PAX3: variants seen among roughly 807,000 people sequenced by gnomAD.
The protein encoded by PAX3 is paired box protein Pax-3.
In PAX3, 14 loss-of-function variants were observed where a neutral mutation model predicts 51.6. The ratio of observed to expected loss-of-function variants is 0.27; its 90% confidence interval spans 0.18 to 0.42. PAX3 has a LOEUF of 0.42. Among genes scored for constraint, PAX3 ranks in the 10% least tolerant of loss-of-function variants. The pLI is 1.00. For synonymous variants in PAX3, 280 were observed against 253.4 expected (o/e 1.11, Z -1.00); for missense variants, 540 against 642.8 (o/e 0.84, Z 1.73).
intron 4 of PAX3, among the ~76,000 whole-genome samples, chr2:222,291,549 G>T (rs1695038743): frequency 6.6e-6 from 1 of 152,130 alleles, no homozygotes; most frequent in Non-Finnish European, 1.5e-5. Flanking sequence ...ATTCAAAGTG[G>T]CTCAACCCTT....
At chr2:222,275,421 C>T (rs760860347) in intron 4 of PAX3, among the ~76,000 whole-genome samples, 2 of 148,914 alleles carry the variant, frequency 1.3e-5, no homozygotes, top group African/African-American at 2.5e-5. Context: ...ATTTTATATG[C>T]TCTAAAATTG....
chr2:222,253,860 G>T (rs1693533929), intron 4 of PAX3, among the ~76,000 whole-genome samples: 1 of 151,892 alleles, frequency 6.6e-6, no homozygotes, highest in African/African-American at 2.4e-5. Context: ...TCACTATGTT[G>T]CCCAGCCTGT....
At position 222,200,788 on chromosome 2, in the gene PAX3, A is replaced by G. The variant is rs1691257699; in HGVS notation, c.*620T>C. On this transcript the variant is annotated 3_prime_UTR_variant, in exon 9 of 9. Transcript: ENST00000392070. ...TGACAACTAGATTACAAATGAGGAT[A>G]CAGTAACAAATAATTTATTTAGGAG... 3.2e-6 allele frequency: 1 copy of G among 312,418 alleles called. No individual in the cohort carries two copies. Among genetic ancestry groups the G allele is most frequent in the Admixed American group, 4.6e-5 (1 of 21,704 alleles). 19.4% of individuals were successfully genotyped at this position (312,418 alleles called of 1,614,324 possible).
intron 4 of PAX3, among the ~76,000 whole-genome samples, chr2:222,276,551 C>T (rs1287479518): frequency 2.0e-5 from 3 of 152,144 alleles, no homozygotes; most frequent in Non-Finnish European, 4.4e-5. Context: ...TGGATGGGGC[C>T]ACAGCTGCCA....
intron 4 of PAX3, among the ~76,000 whole-genome samples, chr2:222,241,418 CAG>C (rs901450793): frequency 3.9e-5 from 6 of 152,134 alleles, no homozygotes; most frequent in Admixed American, 3.9e-4. Flanking sequence ...ATTTGCCAAT[CAG>C]AGTAGGTTCA....
At chr2:222,232,308 T>A (rs1231225214) in intron 4 of PAX3, 25 bp from the exon 5 acceptor site, 4 of 1,596,610 alleles carry the variant, frequency 2.5e-6, no homozygotes, top group Non-Finnish European at 3.4e-6. Context: ...GAACAAAACA[T>A]CATAAAATGT....
At chr2:222,224,899 A>G (rs1450208266) in intron 5 of PAX3, among the ~76,000 whole-genome samples, 2 of 152,244 alleles carry the variant, frequency 1.3e-5, no homozygotes, top group South Asian at 2.1e-4. Flanking sequence ...CTGGCCTATG[A>G]CTGATGTTCT....
chr2:222,294,243 G>T lies in PAX3; in HGVS notation c.510C>A (p.Ala170=), dbSNP rs1322254660. The change falls in exon 4 of 9, where the codon GCC becomes GCA. Residue 170 remains alanine (A), a synonymous_variant. Transcript: ENST00000392070. ...SKFGKGEEEE[A]DLERKEAEES... is the part of the protein sequence containing the mutation. ...CCTCTGCCTCCTTCCTCTCCAAGTC[G>T]GCCTCCTCCTCTTCACCTTTCCCGA... The T allele has an allele frequency of 6.2e-7, 1 of 1,614,058 alleles. No homozygotes were observed. The highest frequency in any genetic ancestry group is 8.5e-7 in the Non-Finnish European group (1 of 1,180,042).
chr2:222,291,858 T>G (rs1205007932), intron 4 of PAX3, among the ~76,000 whole-genome samples: 1 of 152,172 alleles, frequency 6.6e-6, no homozygotes, highest in African/African-American at 2.4e-5. Context: ...GTCCTTTCTC[T>G]GGGCCCCTCT....
intron 4 of PAX3, chr2:222,293,879 GC>G: frequency 6.2e-7 from 1 of 1,606,490 alleles, no homozygotes; most frequent in Non-Finnish European, 8.5e-7. Flanking sequence ...AGCTTCCCCT[GC>G]CCCCTACAAC....
chr2:222,260,603 T>TG (rs1559292917), intron 4 of PAX3, among the ~76,000 whole-genome samples: 41 of 73,468 alleles, frequency 5.6e-4, no homozygotes, highest in African/African-American at 1.7e-3. Context: ...TTTTTTTTTT[T>TG]TTTTTTGAGG....
chr2:222,241,819 TCA>T (rs1193984883), intron 4 of PAX3, among the ~76,000 whole-genome samples: 2 of 152,220 alleles, frequency 1.3e-5, no homozygotes, highest in Non-Finnish European at 1.5e-5. Context: ...TTTTAATCTC[TCA>T]CAATTAAATA....
intron 3 of PAX3, 127 bp from the exon 4 acceptor site, chr2:222,294,428 G>C (rs865905014): frequency 2.5e-5 from 25 of 985,192 alleles, no homozygotes; most frequent in Middle Eastern, 2.8e-4. Flanking sequence ...CACTGCTCGC[G>C]GGTGTCTCCT....
At chr2:222,234,345 A>G (rs571185080) in intron 4 of PAX3, among the ~76,000 whole-genome samples, 2 of 152,334 alleles carry the variant, frequency 1.3e-5, no homozygotes, top group African/African-American at 4.8e-5. Context: ...ACTTAAAGAA[A>G]GAAAACTAGA....
intron 4 of PAX3, among the ~76,000 whole-genome samples, chr2:222,260,565 GTTTTTTTTTTTT>G (rs1693811727): frequency 0.014 from 760 of 55,852 alleles, 21 homozygotes; most frequent in African/African-American, 0.044. Context: ...TTTTTTTTTT[GTTTTTTTTTTTT>G]GTTTTTTTTT....
chr2:222,266,405 A>G (rs1198192315), intron 4 of PAX3, among the ~76,000 whole-genome samples: 1 of 152,232 alleles, frequency 6.6e-6, no homozygotes, highest in African/African-American at 2.4e-5. Flanking sequence ...TTTATAAGGC[A>G]AATACTATTA....
Position 222,201,300 on chromosome 2 carries a change from C to CA in PAX3, c.*107_*108insT, listed in dbSNP as rs1331390414. Reference sequence around the variant, plus strand: ...TCTCCTATTGGGACCACTGCCCCACCCCCCCCAACAAAAGGGTAATTTTTT... The same window carrying CA: ...TCTCCTATTGGGACCACTGCCCCACCACCCCCCAACAAAAGGGTAATTTTTT... On this transcript the variant is annotated 3_prime_UTR_variant, in exon 9 of 9. Transcript: ENST00000392070. 5.0e-6 allele frequency: 8 copies of CA among 1,610,490 alleles called. No homozygotes were observed. In the South Asian group the frequency reaches 8.8e-5, roughly 18 times the overall value.
chr2:222,202,528 A>T (rs1318730117), intron 7 of PAX3, among the ~76,000 whole-genome samples: 4 of 152,154 alleles, frequency 2.6e-5, no homozygotes, highest in African/African-American at 9.7e-5. Context: ...GGAAAAAAGG[A>T]TGAAAAGAGG....
At chr2:222,278,030 G>T (rs994363198) in intron 4 of PAX3, among the ~76,000 whole-genome samples, 1 of 150,116 alleles carries the variant, frequency 6.7e-6, no homozygotes, top group Non-Finnish European at 1.5e-5. Context: ...ATGTGTGACC[G>T]AAGACAATTA....
Sources: gnomAD v4.1 joint callset for allele counts (sites outside exome capture counted in the v4.1 genomes callset) on GRCh38, gnomAD v4.1.1 for gene constraint, MANE v1.5 for transcripts, NCBI Gene and HGNC (gene_info 2026-07-23, HGNC 2026-07-21) for gene names.